SGCZ: variants seen among roughly 807,000 people sequenced by gnomAD.
SGCZ encodes the protein sarcoglycan zeta, also known as zeta-sarcoglycan.
In SGCZ, 40 loss-of-function variants were observed where a neutral mutation model predicts 41.3. That is an observed-to-expected ratio of 0.97 (90% CI 0.75 to 1.26). The LOEUF is 1.26. SGCZ is among the 50% of genes most tolerant of loss of function. The probability of loss-of-function intolerance (pLI) is 0.00; values close to 1 mark genes in which losing one functional copy is unlikely to be tolerated. For synonymous variants in SGCZ, 206 were observed against 137.5 expected (o/e 1.50, Z -3.49); for missense variants, 552 against 369.8 (o/e 1.49, Z -4.04).
chr8:14,194,149 G>T (rs1388375292), intron 4 of SGCZ, among the ~76,000 whole-genome samples: 2 of 151,574 alleles, frequency 1.3e-5, no homozygotes, highest in Admixed American at 6.6e-5. Context: ...AATAATTTTT[G>T]TTTGTTAGAC....
chr8:14,471,916 C>A (rs562287567), intron 2 of SGCZ, among the ~76,000 whole-genome samples: 1 of 151,986 alleles, frequency 6.6e-6, no homozygotes, highest in Non-Finnish European at 1.5e-5. Context: ...CAAATAAATA[C>A]ATCATCATCT....
chr8:14,348,029 A>T (rs1802952014), intron 2 of SGCZ, among the ~76,000 whole-genome samples: 1 of 152,066 alleles, frequency 6.6e-6, no homozygotes, highest in South Asian at 2.1e-4. Context: ...TTTCTTAGAA[A>T]TTCCAGGGGT....
chr8:15,212,001 G>C (rs548696393), intron 1 of SGCZ, among the ~76,000 whole-genome samples: 2 of 152,226 alleles, frequency 1.3e-5, no homozygotes, highest in East Asian at 3.9e-4. Context: ...AATGTTATCA[G>C]ATAAGGTTTT....
chr8:14,469,561 C>G (rs1585557204), intron 2 of SGCZ, among the ~76,000 whole-genome samples: 1 of 152,032 alleles, frequency 6.6e-6, no homozygotes, highest in Non-Finnish European at 1.5e-5. Flanking sequence ...TCCTTGGAAT[C>G]TTTGAAGTGG....
At chr8:14,546,619 T>C (rs757349803) in intron 2 of SGCZ, among the ~76,000 whole-genome samples, 2 of 152,118 alleles carry the variant, frequency 1.3e-5, no homozygotes, top group Non-Finnish European at 1.5e-5. Flanking sequence ...CTATGAGAGA[T>C]TAGGTACATT....
chr8:15,188,308 G>T (rs926420370), intron 1 of SGCZ, among the ~76,000 whole-genome samples: 2 of 152,062 alleles, frequency 1.3e-5, no homozygotes, highest in African/African-American at 4.8e-5. Flanking sequence ...AACTGAATTA[G>T]CTCCTAGAAC....
At chr8:14,824,660 T>C (rs1283434242) in intron 1 of SGCZ, among the ~76,000 whole-genome samples, 1 of 152,014 alleles carries the variant, frequency 6.6e-6, no homozygotes, top group Non-Finnish European at 1.5e-5. Context: ...AATCTAAATA[T>C]GAATTAATCC....
chr8:15,044,316 C>G (rs574877778), intron 1 of SGCZ, among the ~76,000 whole-genome samples: 2 of 152,100 alleles, frequency 1.3e-5, no homozygotes, highest in Non-Finnish European at 2.9e-5. Flanking sequence ...CCCACTTTAT[C>G]AAGGCCATTA....
chr8:14,795,963 A>C (rs547095413), intron 1 of SGCZ, among the ~76,000 whole-genome samples: 3 of 152,136 alleles, frequency 2.0e-5, no homozygotes, highest in African/African-American at 7.2e-5. Flanking sequence ...TCTAAGGATA[A>C]TGGCCTCCAG....
At chr8:14,898,760 T>G (rs1171134739) in intron 1 of SGCZ, among the ~76,000 whole-genome samples, 1 of 152,178 alleles carries the variant, frequency 6.6e-6, no homozygotes, top group Non-Finnish European at 1.5e-5. Flanking sequence ...TAGAGAATAC[T>G]AGTTGGAGAT....
intron 1 of SGCZ, among the ~76,000 whole-genome samples, chr8:14,901,534 T>C (rs533482448): frequency 1.3e-5 from 2 of 152,248 alleles, no homozygotes; most frequent in Admixed American, 6.5e-5. Context: ...CAATAGCAAT[T>C]TTATTTAAAG....
In SGCZ at chr8:14,379,316, C is replaced by T. The variant is rs1223789306; in HGVS notation, c.235-55112G>A. Among the ~76,000 whole-genome samples the T allele has an allele frequency of 2.6e-5, 4 of 152,060 alleles. No homozygotes were observed. The East Asian group carries it at 5.8e-4, about 22-fold the overall frequency. The stretch of plus-strand genomic sequence containing the variant: ...AAACTAACTTACGTAAGTCAATAGC[C>T]TTCATAGATTTCACAAATAATAAGT... On this transcript the variant is annotated intron_variant, in intron 2 of 7. Transcript: ENST00000382080.
chr8:14,528,692 G>A lies in SGCZ; in HGVS notation c.234+26040C>T, dbSNP rs182990361. ...TATGAGAAAACTGATACTTGCAGCG[G>A]GAAGAAGCTGAGGTTGTCCTCCCTC... On this transcript the variant is annotated intron_variant, in intron 2 of 7. Transcript: ENST00000382080. Among the ~76,000 whole-genome samples, 32 of 151,912 alleles carry A rather than the reference G, an allele frequency of 2.1e-4. No homozygotes were observed. In the East Asian group the frequency reaches 6.2e-3, roughly 30 times the overall value.
rs544468318 is a variant in SGCZ, at chr8:14,276,110, G to A, written c.337-38431C>T. On this transcript the variant is annotated intron_variant, in intron 3 of 7. Coordinates refer to ENST00000382080, the MANE Select transcript of SGCZ (RefSeq NM_139167.4). ...AGAGCAGGGGACACATATGTGAAAT[G>A]ATCGCTCTAAACATTCTCTAAAATT... 6.0e-4 allele frequency among the ~76,000 whole-genome samples: 92 copies of A among 152,276 alleles called. 1 individual carries two copies. Among genetic ancestry groups the A allele is most frequent in the Admixed American group, 1.9e-3 (29 of 15,294 alleles).
At chr8:14,105,406 C>G (rs529466270) in intron 6 of SGCZ, among the ~76,000 whole-genome samples, 1 of 152,076 alleles carries the variant, frequency 6.6e-6, no homozygotes, top group Non-Finnish European at 1.5e-5. Context: ...AATGTGGCTA[C>G]TTACTCCCTA....
At chr8:14,803,159 T>G (rs546823165) in intron 1 of SGCZ, among the ~76,000 whole-genome samples, 13 of 152,258 alleles carry the variant, frequency 8.5e-5, no homozygotes, top group Non-Finnish European at 1.5e-4. Flanking sequence ...ATATTGCATA[T>G]GAATCATTTA....
chr8:14,207,641 A>G lies in SGCZ; in HGVS notation c.424+29951T>C, dbSNP rs1212293121. On this transcript the variant is annotated intron_variant, in intron 4 of 7. Coordinates refer to ENST00000382080, the MANE Select transcript of SGCZ (RefSeq NM_139167.4). ...ATACTGTTTCTTCTGTTTATGTAGT[A>G]GTGCTCTATTGTTAAATGAAAACTA... Among the ~76,000 whole-genome samples the G allele has an allele frequency of 2.0e-5, 3 of 152,130 alleles. No individual in the cohort carries two copies. The East Asian group carries it at 5.8e-4, about 29-fold the overall frequency.
rs988399010 is a variant in SGCZ, at chr8:14,154,268, C to A, written c.547+10312G>T. On this transcript the variant is annotated intron_variant, in intron 5 of 7. Coordinates refer to ENST00000382080, the MANE Select transcript of SGCZ (RefSeq NM_139167.4). ...GCCTGTAGTCCCAGCTAGCAGGAGG[C>A]TGAGGCAGGAGAATGGCATGAACCC... is the stretch of plus-strand genomic sequence containing the variant. 5.9e-4 allele frequency among the ~76,000 whole-genome samples: 90 copies of A among 152,164 alleles called. 1 individual carries two copies. Among genetic ancestry groups the A allele is most frequent in the African/African-American group, 1.9e-3 (80 of 41,522 alleles).
chr8:15,159,670 A>T (rs981738844), intron 1 of SGCZ, among the ~76,000 whole-genome samples: 1 of 151,550 alleles, frequency 6.6e-6, no homozygotes, highest in Non-Finnish European at 1.5e-5. Flanking sequence ...GTGGTGTGAG[A>T]ACAGAGGAAA....
Sources: gnomAD v4.1 joint callset for allele counts (sites outside exome capture counted in the v4.1 genomes callset) on GRCh38, gnomAD v4.1.1 for gene constraint, MANE v1.5 for transcripts, NCBI Gene and HGNC (gene_info 2026-07-23, HGNC 2026-07-21) for gene names.